PTPN13: variants seen among roughly 807,000 people sequenced by gnomAD.
PTPN13 encodes tyrosine-protein phosphatase non-receptor type 13.
Under a neutral mutation model 284.0 loss-of-function variants are expected in PTPN13, and 191 were observed. That is an observed-to-expected ratio of 0.67 (90% CI 0.60 to 0.76). The LOEUF (loss-of-function observed/expected upper bound fraction) is 0.76, where lower values mean the gene tolerates loss of function less well. PTPN13 is among the 30% of genes least tolerant of loss of function. The pLI is 0.00. For synonymous variants in PTPN13, 986 were observed against 1,022.3 expected (o/e 0.96, Z 0.68); for missense variants, 2,797 against 2,939.9 (o/e 0.95, Z 1.12).
intron 16 of PTPN13, 123 bp from the exon 17 acceptor site, chr4:86,744,843 G>A (rs1736551216): frequency 1.4e-6 from 1 of 738,540 alleles, no homozygotes; most frequent in Non-Finnish European, 2.2e-6. Context: ...TTATTGTTAA[G>A]TGATGCATGA....
Position 86,731,879 on chromosome 4 carries a change from C to T in PTPN13, c.1609-521C>T, listed in dbSNP as rs1022338364. Among the ~76,000 whole-genome samples the T allele has an allele frequency of 3.3e-5, 5 of 152,126 alleles. No individual in the cohort carries two copies. In the South Asian group the frequency reaches 6.2e-4, roughly 19 times the overall value. ...TTGGTCTGAAACTCCTGGCCTCAAG[C>T]GATCCTCCTGCCTTAGCCTCCCAAG... On this transcript the variant is annotated intron_variant, in intron 10 of 47. Coordinates refer to ENST00000411767, the MANE Select transcript of PTPN13 (RefSeq NM_080683.3).
chr4:86,728,906 C>A (rs1290577688), intron 10 of PTPN13, among the ~76,000 whole-genome samples: 1 of 147,602 alleles, frequency 6.8e-6, no homozygotes, highest in Non-Finnish European at 1.5e-5. Context: ...GGTTATTTTG[C>A]CTATTAATTG....
intron 2 of PTPN13, among the ~76,000 whole-genome samples, chr4:86,654,695 T>C (rs1214559700): frequency 6.6e-6 from 1 of 152,204 alleles, no homozygotes; most frequent in Non-Finnish European, 1.5e-5. Flanking sequence ...TGTGATGTGG[T>C]GCTGAGAAGA....
At chr4:86,615,489 C>G (rs1323668897) in intron 1 of PTPN13, among the ~76,000 whole-genome samples, 1 of 152,066 alleles carries the variant, frequency 6.6e-6, no homozygotes, top group Non-Finnish European at 1.5e-5. Context: ...TTACTTGTAA[C>G]AAGCAGGAAG....
intron 3 of PTPN13, among the ~76,000 whole-genome samples, chr4:86,680,300 C>G (rs1352750783): frequency 6.6e-6 from 1 of 151,994 alleles, no homozygotes; most frequent in Non-Finnish European, 1.5e-5. Flanking sequence ...TATTAATGAG[C>G]TTCCTTGACT....
Position 86,774,376 on chromosome 4 carries a change from G to A in PTPN13, c.5353G>A (p.Val1785Ile). 6.2e-7 allele frequency: 1 copy of A among 1,604,140 alleles called. No homozygotes were observed. Among genetic ancestry groups the A allele is most frequent in the South Asian group, 1.1e-5 (1 of 88,632 alleles). Residue 1785 changes from valine (V) to isoleucine (I), a missense_variant, in exon 33 of 48, where the codon GTA (valine) becomes ATA (isoleucine). Transcript: ENST00000411767. Reference protein sequence around the residue: ...ENHLEDFELEVELLITLIKSE... With the variant: ...ENHLEDFELEIELLITLIKSE... ...TATTACTGCTTTTTTCCCTTAGGAA[G>A]TAGAACTCCTCATTACCCTAATTAA...
In PTPN13 at chr4:86,695,519, CTT is replaced by C. The variant is rs1565344884; in HGVS notation, c.634+1846_634+1847del. On this transcript the variant is annotated intron_variant, in intron 6 of 47. Transcript: ENST00000411767. Reference sequence around the variant, plus strand: ...TATTTTAGAATCGAATAATAACAAACTTATAGATGAATATCAATAGCAAGCTG... The same window carrying C: ...TATTTTAGAATCGAATAATAACAAACATAGATGAATATCAATAGCAAGCTG... 2.0e-5 allele frequency among the ~76,000 whole-genome samples: 3 copies of C among 151,744 alleles called. No individual in the cohort carries two copies. In the South Asian group the frequency reaches 6.2e-4, roughly 31 times the overall value.
chr4:86,792,976 A>G (rs770038354), intron 40 of PTPN13, among the ~76,000 whole-genome samples: 9 of 152,238 alleles, frequency 5.9e-5, no homozygotes, highest in Non-Finnish European at 1.0e-4. Context: ...ACGAGCTAAC[A>G]TCATAATGAC....
chr4:86,770,441 T>C (rs1739858514), intron 30 of PTPN13, among the ~76,000 whole-genome samples: 1 of 152,208 alleles, frequency 6.6e-6, no homozygotes, highest in South Asian at 2.1e-4. Flanking sequence ...ACTTCAGGCA[T>C]TTTAATGGGC....
chr4:86,729,409 C>T (rs1462165556), intron 10 of PTPN13, among the ~76,000 whole-genome samples: 1 of 149,588 alleles, frequency 6.7e-6, no homozygotes, highest in Admixed American at 6.7e-5. Flanking sequence ...TGGAGAAGTT[C>T]TCCTGGATAA....
chr4:86,773,369 A>C (rs1740221009), intron 32 of PTPN13, among the ~76,000 whole-genome samples: 1 of 152,152 alleles, frequency 6.6e-6, no homozygotes, highest in Admixed American at 6.5e-5. Flanking sequence ...TCAAATTCTG[A>C]TGAGTTACCT....
chr4:86,796,273 A>G (rs2149352103), intron 40 of PTPN13, among the ~76,000 whole-genome samples: 1 of 152,348 alleles, frequency 6.6e-6, no homozygotes, highest in Admixed American at 6.5e-5. Context: ...GCATATCTAA[A>G]TAATCATTAA....
intron 40 of PTPN13, among the ~76,000 whole-genome samples, chr4:86,796,360 T>G (rs1486347486): frequency 1.3e-5 from 2 of 152,168 alleles, no homozygotes; most frequent in South Asian, 2.1e-4. Context: ...CCAGGCTGGC[T>G]TCAGTGGCTC....
At chr4:86,704,388 A>G (rs1403036405) in intron 7 of PTPN13, among the ~76,000 whole-genome samples, 1 of 152,192 alleles carries the variant, frequency 6.6e-6, no homozygotes, top group East Asian at 1.9e-4. Context: ...AAATTATACC[A>G]TAATAGTCTA....
intron 23 of PTPN13, 140 bp downstream of exon 23, chr4:86,759,213 ATCTT>A (rs1738378509): frequency 1.2e-6 from 1 of 856,746 alleles, no homozygotes; most frequent in African/African-American, 1.7e-5. Context: ...AATGTGTTCC[ATCTT>A]TCTTTTGTCA....
rs1739072091 is a variant in PTPN13, at chr4:86,764,614, A to C, written c.4039A>C (p.Thr1347Pro). ...TAAGGAATCTTCCTCTTCAGTGAAT[A>C]CATCCAACAAGATGAATTTTAAAAC... ...PKQESSSSVN[T>P]SNKMNFKTFS... The change falls in exon 25 of 48, where the codon ACA (threonine) becomes CCA (proline). Residue 1347 changes from threonine to proline, a missense_variant. Thr to Pro is a conservative substitution (Grantham distance 38). Coordinates refer to ENST00000411767, the MANE Select transcript of PTPN13 (RefSeq NM_080683.3). The C allele has an allele frequency of 1.3e-6, 2 of 1,532,838 alleles. No individual in the cohort carries two copies. Among genetic ancestry groups the C allele is most frequent in the Non-Finnish European group, 8.8e-7 (1 of 1,137,606 alleles). 95.0% of individuals were successfully genotyped at this position (1,532,838 alleles called of 1,614,324 possible).
chr4:86,647,273 AC>A (rs1379114261), intron 2 of PTPN13, among the ~76,000 whole-genome samples: 1 of 152,110 alleles, frequency 6.6e-6, no homozygotes, highest in Non-Finnish European at 1.5e-5. Flanking sequence ...GGAATATCAA[AC>A]ATTTTTTCAA....
At position 86,735,627 on chromosome 4, in the gene PTPN13, T is replaced by G; in HGVS notation, c.2185T>G (p.Tyr729Asp). 6.2e-7 allele frequency: 1 copy of G among 1,613,466 alleles called. No homozygotes were observed. The highest frequency in any genetic ancestry group is 8.5e-7 in the Non-Finnish European group (1 of 1,179,648). The change falls in exon 15 of 48, where the codon TAT (tyrosine) becomes GAT (aspartate). Residue 729 changes from tyrosine (Y) to aspartate (D), a missense_variant. Tyr to Asp is a radical substitution (Grantham distance 160). Coordinates refer to ENST00000411767, the MANE Select transcript of PTPN13 (RefSeq NM_080683.3). ...HGVSYFRMEH[Y>D]LPARVMEKLD... ...TGTGTCTTACTTTAGAATGGAGCAC[T>G]ATTTGCCCGCCAGAGTGATGGAGAA...
intron 17 of PTPN13, among the ~76,000 whole-genome samples, chr4:86,748,697 T>A (rs1737049186): frequency 6.6e-6 from 1 of 152,124 alleles, no homozygotes; most frequent in Admixed American, 6.5e-5. Flanking sequence ...GCTCTGTTGC[T>A]CAGGCTGGAG....
Sources: gnomAD v4.1 joint callset for allele counts (sites outside exome capture counted in the v4.1 genomes callset) on GRCh38, gnomAD v4.1.1 for gene constraint, MANE v1.5 for transcripts, NCBI Gene and HGNC (gene_info 2026-07-23, HGNC 2026-07-21) for gene names.